The following ALG8 variants were observed in gnomAD, a reference collection of about 807,000 sequenced individuals.
ALG8 encodes dolichyl pyrophosphate Glc1Man9GlcNAc2 alpha-1,3-glucosyltransferase.
A neutral mutation model predicts 70.2 loss-of-function variants in ALG8; 48 were observed. The ratio of observed to expected loss-of-function variants is 0.68; its 90% CI spans 0.54 to 0.87. The LOEUF is 0.87. Ranked by LOEUF, ALG8 falls within the 40% of genes least tolerant of loss-of-function variation. The probability of loss-of-function intolerance (pLI) is 0.00; values close to 1 mark genes in which losing one functional copy is unlikely to be tolerated. For synonymous variants in ALG8, 234 were observed against 229.0 expected, an observed-to-expected ratio of 1.02 and a Z score of -0.20; for missense variants, 572 against 608.7, an observed-to-expected ratio of 0.94 and a Z score of 0.64.
At position 78,106,826 on chromosome 11, in the gene ALG8, G is replaced by C. The variant is rs1297165381; in HGVS notation, c.1159C>G (p.Leu387Val). ...GWHVHEKAILLAILPMSLLSV... is the reference protein window; with the variant it reads ...GWHVHEKAILVAILPMSLLSV... ...GCTTACCTCATTGGGAGAATTGCTAGAAGTATGGCTTTTTCATGAACATGC... is the reference window on the plus strand; with the variant it reads ...GCTTACCTCATTGGGAGAATTGCTACAAGTATGGCTTTTTCATGAACATGC... Residue 387 changes from leucine (L) to valine (V), a missense_variant, in exon 10 of 13, where the codon CTA (leucine) becomes GTA (valine). Coordinates refer to ENST00000299626, the MANE Select transcript of ALG8 (RefSeq NM_024079.5). 6.2e-7 allele frequency: 1 copy of C among 1,613,936 alleles called. No individual in the cohort carries two copies. Among genetic ancestry groups the C allele is most frequent in the African/African-American group, 1.3e-5 (1 of 74,902 alleles).
intron 2 of ALG8, among the ~76,000 whole-genome samples, chr11:78,126,013 G>T (rs1171279229): frequency 6.6e-6 from 1 of 151,128 alleles, no homozygotes; most frequent in Non-Finnish European, 1.5e-5. Flanking sequence ...CAAAAAATTA[G>T]CCTGGCATGG....
intron 1 of ALG8, 29 bp from the exon 2 acceptor site, chr11:78,127,465 G>T: frequency 6.3e-7 from 1 of 1,579,976 alleles, no homozygotes; most frequent in Non-Finnish European, 8.7e-7. Context: ...TAAATAAAAT[G>T]AGATTTTGCA....
At chr11:78,123,756 T>A (rs189461732) in intron 3 of ALG8, among the ~76,000 whole-genome samples, 256 of 152,290 alleles carry the variant, frequency 1.7e-3, no homozygotes, top group African/African-American at 5.9e-3. Flanking sequence ...GCCCTAGAAC[T>A]ATACTTGGGA....
chr11:78,114,220 T>C (rs1238044793), intron 6 of ALG8, 46 bp downstream of exon 6: 1 of 1,612,022 alleles, frequency 6.2e-7, no homozygotes, highest in South Asian at 1.1e-5. Context: ...GTCAACACAG[T>C]AAGGGAAAAA....
chr11:78,118,615 C>CAAAAAAAAAAAAA, intron 5 of ALG8, among the ~76,000 whole-genome samples: 1 of 88,124 alleles, frequency 1.1e-5, no homozygotes, highest in Non-Finnish European at 2.2e-5. Flanking sequence ...GACTCATTCT[C>CAAAAAAAAAAAAA]AAAAAAAAAA....
intron 1 of ALG8, among the ~76,000 whole-genome samples, chr11:78,130,348 C>CAAAAAAAAAAAAAAAA (rs1174378754): frequency 2.0e-5 from 1 of 49,152 alleles, no homozygotes; most frequent in African/African-American, 1.2e-4. Flanking sequence ...GACCCGGTCT[C>CAAAAAAAAAAAAAAAA]AAAAAAAAAA....
chr11:78,114,126 C>A lies in ALG8; in HGVS notation c.674-137G>T, dbSNP rs747131228. The A allele has an allele frequency of 2.8e-6, 4 of 1,405,050 alleles. No homozygotes were observed. The Admixed American group carries it at 7.8e-5, about 27-fold the overall frequency. The allele number at this position is 1,405,050 out of a possible 1,614,324, so 87.0% of individuals were successfully genotyped here. ...ATGATGTGGCAAGAGCAGAGAAAAG[C>A]GAGAATGGGTAAAGGGCTTACAGGA... On this transcript the variant is annotated intron_variant, in intron 6 of 12. Coordinates refer to ENST00000299626, the MANE Select transcript of ALG8 (RefSeq NM_024079.5).
Position 78,124,231 on chromosome 11 carries a change from A to C in ALG8, c.175-17T>G. On this transcript the variant is annotated splice_polypyrimidine_tract_variant and intron_variant, in intron 2 of 12. Coordinates refer to ENST00000299626, the MANE Select transcript of ALG8 (RefSeq NM_024079.5). The stretch of plus-strand genomic sequence containing the variant: ...TGAAGTTGCCTGTGATAAAAATAGA[A>C]GATCAGACATATCCTAAATAACTGA... 1.2e-6 allele frequency: 2 copies of C among 1,609,424 alleles called. No homozygotes were observed. Among genetic ancestry groups the C allele is most frequent in the East Asian group, 2.2e-5 (1 of 44,852 alleles).
chr11:78,114,207 C>G (rs911388071), intron 6 of ALG8, 59 bp downstream of exon 6: 37 of 1,607,640 alleles, frequency 2.3e-5, no homozygotes, highest in Non-Finnish European at 3.1e-5. Context: ...AGCAAGCCAC[C>G]AAGTCAACAC....
At position 78,119,229 on chromosome 11, in the gene ALG8, C is replaced by T; in HGVS notation, c.499G>A (p.Gly167Ser). 4 of 1,611,716 alleles carry T rather than the reference C, an allele frequency of 2.5e-6. No individual in the cohort carries two copies. The highest frequency in any genetic ancestry group is 3.4e-6 in the Non-Finnish European group (4 of 1,178,136). The change falls in exon 5 of 13, where the codon GGC becomes AGC. Residue 167 changes from glycine to serine, a missense_variant. Coordinates refer to ENST00000299626, the MANE Select transcript of ALG8 (RefSeq NM_024079.5). ...AGTAGCATTAATCCAAATAAAAAGC[C>T]ATTGTACTGAAAATGAATATCTGGA... The part of the protein sequence containing the change: ...IVDHIHFQYN[G>S]FLFGLMLLSI...
chr11:78,120,508 A>T (rs924963143), intron 4 of ALG8, among the ~76,000 whole-genome samples: 1 of 152,210 alleles, frequency 6.6e-6, no homozygotes, highest in Non-Finnish European at 1.5e-5. Flanking sequence ...TGCTAATGGC[A>T]ACTAAGATTT....
At chr11:78,138,837 C>T (rs964099174) in intron 1 of ALG8, 2 of 455,754 alleles carry the variant, frequency 4.4e-6, no homozygotes, top group South Asian at 1.5e-5. Flanking sequence ...CCCCAGTGCA[C>T]CCCATGCTGT....
At chr11:78,136,726 A>T (rs1224331538) in intron 1 of ALG8, among the ~76,000 whole-genome samples, 2 of 152,120 alleles carry the variant, frequency 1.3e-5, no homozygotes, top group African/African-American at 4.8e-5. Flanking sequence ...GCTCAACTAG[A>T]TGTCATAGAT....
chr11:78,137,767 T>A (rs1861610005), intron 1 of ALG8: 1 of 152,206 alleles, frequency 6.6e-6, no homozygotes, highest in Non-Finnish European at 1.5e-5. Flanking sequence ...CAAAGATCAC[T>A]GATTACAGAT....
At chr11:78,128,890 A>T (rs566333800) in intron 1 of ALG8, among the ~76,000 whole-genome samples, 1 of 151,916 alleles carries the variant, frequency 6.6e-6, no homozygotes, top group East Asian at 2.0e-4. Flanking sequence ...CTGGGATTAC[A>T]GGCATGAGCC....
intron 2 of ALG8, among the ~76,000 whole-genome samples, chr11:78,126,938 G>A (rs1192302331): frequency 2.0e-5 from 3 of 152,086 alleles, no homozygotes; most frequent in African/African-American, 7.2e-5. Context: ...ACTGAGAAGA[G>A]ACCACAATTT....
At position 78,111,397 on chromosome 11, in the gene ALG8, G is replaced by A. The variant is rs183419354; in HGVS notation, c.898+1253C>T. Among the ~76,000 whole-genome samples the A allele has an allele frequency of 5.9e-5, 9 of 152,286 alleles. No individual in the cohort carries two copies. In the South Asian group the frequency reaches 6.2e-4, roughly 11 times the overall value. Reference sequence around the variant, plus strand: ...CAGGTAAAGTACTAGTATGTCTTTCGTATAGTGAGGAAAGTTAGACGAAAG... The same window carrying A: ...CAGGTAAAGTACTAGTATGTCTTTCATATAGTGAGGAAAGTTAGACGAAAG... On this transcript the variant is annotated intron_variant, in intron 8 of 12. Transcript: ENST00000299626.
In ALG8 at chr11:78,104,360, T is replaced by C; in HGVS notation, c.1272A>G (p.Ala424=). Residue 424 remains alanine, a synonymous_variant, in exon 11 of 13, where the codon GCA becomes GCG. Transcript: ENST00000299626. ...HYSLFPLLFT[A]PELPIKILLM... ...TTCTCAGAAGACGCTGTTTACCTGGTGCAGTGAAGAGCAGAGGAAAGAGGG... is the reference window on the plus strand; with the variant it reads ...TTCTCAGAAGACGCTGTTTACCTGGCGCAGTGAAGAGCAGAGGAAAGAGGG... 1 of 1,590,008 alleles carries C rather than the reference T, an allele frequency of 6.3e-7. No homozygotes were observed. The highest frequency in any genetic ancestry group is 2.3e-5 in the East Asian group (1 of 44,398).
intron 8 of ALG8, 138 bp from the exon 9 acceptor site, chr11:78,109,719 T>A: frequency 2.3e-6 from 2 of 886,756 alleles, no homozygotes; most frequent in Non-Finnish European, 3.6e-6. Context: ...TTCATGAATT[T>A]AATCCTATAC....
Sources: allele counts gnomAD v4.1 joint callset (sites outside exome capture counted in the v4.1 genomes callset), GRCh38; gene constraint gnomAD v4.1.1; transcripts MANE v1.5; gene names NCBI Gene and HGNC (gene_info 2026-07-23, HGNC 2026-07-21).